PTPRT: variants seen among roughly 807,000 people sequenced by gnomAD.
The protein encoded by PTPRT is protein tyrosine phosphatase receptor type T.
Under a neutral mutation model 176.8 loss-of-function variants are expected in PTPRT, and 56 were observed. The ratio of observed to expected loss-of-function variants is 0.32; its 90% confidence interval spans 0.26 to 0.40. The LOEUF is 0.40. Ranked by LOEUF, PTPRT falls within the 10% of genes least tolerant of loss-of-function variation. The probability of loss-of-function intolerance (pLI) is 1.00; values close to 1 mark genes in which losing one functional copy is unlikely to be tolerated. For missense variants in PTPRT, 1,540 were observed against 1,908.2 expected, an observed-to-expected ratio of 0.81 and a Z score of 3.60; for synonymous variants, 783 against 739.0, an observed-to-expected ratio of 1.06 and a Z score of -0.96.
chr20:42,206,993 C>G (rs1310200387), intron 15 of PTPRT, among the ~76,000 whole-genome samples: 1 of 152,184 alleles, frequency 6.6e-6, no homozygotes. Context: ...CCCTGACCCC[C>G]GAGCAGCCTA....
intron 1 of PTPRT, among the ~76,000 whole-genome samples, chr20:43,128,028 T>C (rs1409674083): frequency 6.6e-6 from 1 of 152,234 alleles, no homozygotes; most frequent in Non-Finnish European, 1.5e-5. Flanking sequence ...AACAAAAAGC[T>C]ACTCTTTCCA....
intron 16 of PTPRT, among the ~76,000 whole-genome samples, chr20:42,170,986 T>TA (rs1433585276): frequency 6.6e-6 from 1 of 152,182 alleles, no homozygotes; most frequent in Admixed American, 6.5e-5. Context: ...TGGCTATGTA[T>TA]AAAAAATCAG....
At chr20:42,797,997 G>A (rs208240) in intron 2 of PTPRT, among the ~76,000 whole-genome samples, 94,426 of 152,008 alleles carry the variant, frequency 0.62, 29,608 homozygotes, top group Middle Eastern at 0.71. Flanking sequence ...GTCCAGATTA[G>A]AATGTGTGGG....
At chr20:42,933,435 C>A (rs1371434051) in intron 1 of PTPRT, among the ~76,000 whole-genome samples, 2 of 152,176 alleles carry the variant, frequency 1.3e-5, no homozygotes, top group Non-Finnish European at 2.9e-5. Flanking sequence ...TCCCTGAACC[C>A]TTTGATAACA....
intron 1 of PTPRT, among the ~76,000 whole-genome samples, chr20:43,058,398 GAGAA>G (rs1441071368): frequency 6.6e-6 from 1 of 151,786 alleles, no homozygotes; most frequent in Non-Finnish European, 1.5e-5. Context: ...AAGAGAGCCA[GAGAA>G]AGAAAGAAGG....
At chr20:42,894,207 A>G (rs1290619783) in intron 1 of PTPRT, among the ~76,000 whole-genome samples, 1 of 152,156 alleles carries the variant, frequency 6.6e-6, no homozygotes, top group Non-Finnish European at 1.5e-5. Context: ...AAGTCATTCA[A>G]GGAGAAATGA....
chr20:42,241,082 G>T (rs953207975), intron 14 of PTPRT, among the ~76,000 whole-genome samples: 17 of 152,188 alleles, frequency 1.1e-4, no homozygotes, highest in Non-Finnish European at 4.4e-5. Context: ...TTATATAGTT[G>T]TTAAGTGGCA....
chr20:42,586,350 G>A (rs192538731), intron 7 of PTPRT, among the ~76,000 whole-genome samples: 1 of 152,186 alleles, frequency 6.6e-6, no homozygotes, highest in African/African-American at 2.4e-5. Flanking sequence ...TCACTGCTTT[G>A]GGTTTCTTGC....
chr20:42,556,434 A>G (rs1364966500), intron 7 of PTPRT, among the ~76,000 whole-genome samples: 2 of 152,192 alleles, frequency 1.3e-5, no homozygotes, highest in Non-Finnish European at 2.9e-5. Context: ...CTTCCTTAAA[A>G]TCATGAAGTA....
chr20:43,083,345 T>C lies in PTPRT; in HGVS notation c.88+106301A>G, dbSNP rs6124520. On this transcript the variant is annotated intron_variant, in intron 1 of 30. Transcript: ENST00000373187. ...GTATATATATATATATATATATATA[T>C]ATATATATATATATATATATATATA... 2.3e-3 allele frequency among the ~76,000 whole-genome samples: 273 copies of C among 117,274 alleles called. 7 individuals are homozygous for C. The highest frequency in any genetic ancestry group is 3.5e-3 in the South Asian group (12 of 3,410). The allele number at this position is 117,274 out of a possible 152,430, so 76.9% of individuals were successfully genotyped here.
intron 25 of PTPRT, among the ~76,000 whole-genome samples, chr20:42,104,083 C>G (rs866952978): frequency 6.6e-6 from 1 of 152,166 alleles, no homozygotes; most frequent in South Asian, 2.1e-4. Flanking sequence ...ATCTTAGCCC[C>G]CAATGTGATG....
Position 42,075,653 on chromosome 20 carries a change from C to T in PTPRT, c.*5226G>A, listed in dbSNP as rs1166941043. On this transcript the variant is annotated 3_prime_UTR_variant, in exon 31 of 31. Coordinates refer to ENST00000373187, the MANE Select transcript of PTPRT (RefSeq NM_007050.6). The stretch of plus-strand genomic sequence containing the variant: ...TCCTGCAGAGGTAACAGGATAAGGG[C>T]CTGGCTGCTACTCCCTGGGCCTCAC... 2 of 211,544 alleles carry T rather than the reference C, an allele frequency of 9.5e-6. No homozygotes were observed. The highest frequency in any genetic ancestry group is 7.0e-5 in the East Asian group (1 of 14,236). 13.1% of individuals were successfully genotyped at this position (211,544 alleles called of 1,614,324 possible).
rs564496140 is a variant in PTPRT at position 42,161,355 on chromosome 20, G to A, written c.2679C>T (p.Tyr893=). ...TCCCCACAGGCTGGTCTCTTACCTC[G>A]TATTCCTCCTTGAACCCGTAGCCCT... ...RGQGYGFKEE[Y]EALPEGQTAS... The change falls in exon 17 of 31, where the codon TAC becomes TAT. Residue 893 remains tyrosine (Y), a synonymous_variant. Transcript: ENST00000373187. 41 of 1,614,016 alleles carry A rather than the reference G, an allele frequency of 2.5e-5. No individual in the cohort carries two copies. The highest frequency in any genetic ancestry group is 1.6e-4 in the East Asian group (7 of 44,860).
At chr20:42,329,132 C>CGTCCTGAGAAATAGTCAA in intron 11 of PTPRT, among the ~76,000 whole-genome samples, 1 of 152,166 alleles carries the variant, frequency 6.6e-6, no homozygotes, top group African/African-American at 2.4e-5. Flanking sequence ...TCAATGCCTA[C>CGTCCTGAGAAATAGTCAA]GTCCTGAGAA....
Position 42,388,778 on chromosome 20 carries a change from T to C in PTPRT, c.1561-36493A>G, listed in dbSNP as rs1350268059. 1.7e-4 allele frequency among the ~76,000 whole-genome samples: 26 copies of C among 152,238 alleles called. 1 individual carries two copies. The highest frequency in any genetic ancestry group is 1.7e-3 in the Admixed American group (26 of 15,290). On this transcript the variant is annotated intron_variant, in intron 9 of 30. Transcript: ENST00000373187. ...GACCCAGCCATCCCATTACTGGGTATATACCCAAAGGATTATAAATCATGC... is the reference window on the plus strand; with the variant it reads ...GACCCAGCCATCCCATTACTGGGTACATACCCAAAGGATTATAAATCATGC...
At chr20:42,232,211 G>A (rs1378700815) in intron 15 of PTPRT, among the ~76,000 whole-genome samples, 1 of 152,160 alleles carries the variant, frequency 6.6e-6, no homozygotes, top group Non-Finnish European at 1.5e-5. Context: ...AGACTGGTGA[G>A]CCAAAGTGTG....
intron 3 of PTPRT, among the ~76,000 whole-genome samples, chr20:42,787,934 T>A (rs1022689449): frequency 6.6e-5 from 10 of 152,144 alleles, no homozygotes; most frequent in African/African-American, 2.4e-4. Flanking sequence ...TGCCAATATA[T>A]TACTAATATA....
chr20:42,839,560 C>A (rs2078241920), intron 2 of PTPRT, among the ~76,000 whole-genome samples: 1 of 152,086 alleles, frequency 6.6e-6, no homozygotes, highest in Non-Finnish European at 1.5e-5. Context: ...AGAAAGCACT[C>A]ACTGTGTGCC....
intron 7 of PTPRT, among the ~76,000 whole-genome samples, chr20:42,487,810 C>T (rs190459835): frequency 2.0e-5 from 3 of 152,262 alleles, no homozygotes; most frequent in Non-Finnish European, 2.9e-5. Flanking sequence ...ATTGTTATAG[C>T]GGCAAGACGA....
Sources: gnomAD v4.1 joint callset for allele counts (sites outside exome capture counted in the v4.1 genomes callset) on GRCh38, gnomAD v4.1.1 for gene constraint, MANE v1.5 for transcripts, NCBI Gene and HGNC (gene_info 2026-07-23, HGNC 2026-07-21) for gene names.